RAI14: variants seen among roughly 807,000 people sequenced by gnomAD.
RAI14 encodes ankycorbin.
A neutral mutation model predicts 115.4 loss-of-function variants in RAI14; 45 were observed. That is an observed-to-expected ratio of 0.39 (90% confidence interval 0.31 to 0.50). The LOEUF is 0.50. RAI14 is among the 20% of genes least tolerant of loss of function. The pLI is 0.85. For missense variants in RAI14, 939 were observed against 1,131.2 expected, an observed-to-expected ratio of 0.83 and a Z score of 2.44; for synonymous variants, 371 against 415.4, an observed-to-expected ratio of 0.89 and a Z score of 1.30.
At chr5:34,818,753 T>C (rs1756526784) in intron 12 of RAI14, 44 bp from the exon 13 acceptor site, 1 of 1,517,412 alleles carries the variant, frequency 6.6e-7, no homozygotes. Flanking sequence ...TTGTGTAATG[T>C]TACATTTAGA....
chr5:34,801,255 C>G (rs895784989), intron 4 of RAI14, among the ~76,000 whole-genome samples: 1 of 152,164 alleles, frequency 6.6e-6, no homozygotes, highest in Non-Finnish European at 1.5e-5. Context: ...ACAACTCTCC[C>G]CCACACCTAC....
At chr5:34,736,262 A>G (rs60725354) in intron 2 of RAI14, among the ~76,000 whole-genome samples, 5,092 of 152,256 alleles carry the variant, frequency 0.033, 286 homozygotes, top group African/African-American at 0.12. Context: ...TTAGCTGGGC[A>G]TGGTGGCGTG....
At chr5:34,656,625 T>A (rs900281183) in intron 1 of RAI14, 150 bp downstream of exon 1, 2 of 152,196 alleles carry the variant, frequency 1.3e-5, no homozygotes, top group African/African-American at 2.4e-5. Flanking sequence ...TCCCGCCACC[T>A]CTCCCTGGTC....
chr5:34,685,411 G>A (rs1334241519), intron 1 of RAI14, among the ~76,000 whole-genome samples: 2 of 152,032 alleles, frequency 1.3e-5, no homozygotes, highest in Non-Finnish European at 2.9e-5. Flanking sequence ...AAGTTATAAG[G>A]ATGCAAAAAC....
At chr5:34,770,921 A>G (rs1038401193) in intron 3 of RAI14, among the ~76,000 whole-genome samples, 2 of 152,202 alleles carry the variant, frequency 1.3e-5, no homozygotes, top group African/African-American at 4.8e-5. Context: ...GTACAATAAA[A>G]ATATAAGCAG....
intron 2 of RAI14, chr5:34,715,970 C>A: frequency 3.0e-6 from 1 of 338,172 alleles, no homozygotes; most frequent in Non-Finnish European, 5.7e-6. Context: ...AAAGCATTTC[C>A]TGGCAGGAAT....
At chr5:34,825,370 G>C (rs1466808774) in intron 15 of RAI14, among the ~76,000 whole-genome samples, 1 of 152,196 alleles carries the variant, frequency 6.6e-6, no homozygotes, top group Non-Finnish European at 1.5e-5. Context: ...TTTTACAGAA[G>C]CTTTGCCAGT....
chr5:34,819,776 G>T (rs981334931), intron 13 of RAI14, among the ~76,000 whole-genome samples: 1 of 152,014 alleles, frequency 6.6e-6, no homozygotes, highest in African/African-American at 2.4e-5. Context: ...TGTATTTATT[G>T]ATTTATTTTA....
At chr5:34,665,185 A>G (rs866708888) in intron 1 of RAI14, among the ~76,000 whole-genome samples, 10 of 45,750 alleles carry the variant, frequency 2.2e-4, no homozygotes, top group African/African-American at 5.9e-4. Flanking sequence ...ACACATATAT[A>G]TATGTATATA....
At chr5:34,672,484 T>C (rs1743688819) in intron 1 of RAI14, among the ~76,000 whole-genome samples, 1 of 152,180 alleles carries the variant, frequency 6.6e-6, no homozygotes, top group Non-Finnish European at 1.5e-5. Flanking sequence ...ACACAGAAAG[T>C]GGTTGAAAAT....
chr5:34,784,055 C>T (rs1341041938), intron 3 of RAI14, among the ~76,000 whole-genome samples: 1 of 152,204 alleles, frequency 6.6e-6, no homozygotes, highest in African/African-American at 2.4e-5. Flanking sequence ...ATTAACTCCT[C>T]CTGGAAAAGA....
At chr5:34,795,643 G>A (rs2150206828) in intron 3 of RAI14, among the ~76,000 whole-genome samples, 1 of 152,260 alleles carries the variant, frequency 6.6e-6, no homozygotes, top group South Asian at 2.1e-4. Context: ...TTCATCAAGA[G>A]ACAAATATAT....
chr5:34,786,640 T>C (rs1051261617), intron 3 of RAI14, among the ~76,000 whole-genome samples: 16 of 152,270 alleles, frequency 1.1e-4, no homozygotes, highest in African/African-American at 3.9e-4. Context: ...ACCACTGGGA[T>C]TGCTTAAAAG....
chr5:34,758,469 T>G (rs1389153233), intron 3 of RAI14, among the ~76,000 whole-genome samples: 1 of 152,222 alleles, frequency 6.6e-6, no homozygotes, highest in African/African-American at 2.4e-5. Flanking sequence ...GCAAGTAATT[T>G]CTATAGCCGG....
intron 12 of RAI14, 46 bp downstream of exon 12, chr5:34,814,715 A>G: frequency 7.2e-7 from 1 of 1,393,778 alleles, no homozygotes; most frequent in South Asian, 1.2e-5. Context: ...TTTAAGATAC[A>G]TGATAGACTT....
At chr5:34,777,791 CA>C (rs1403090265) in intron 3 of RAI14, among the ~76,000 whole-genome samples, 1 of 150,644 alleles carries the variant, frequency 6.6e-6, no homozygotes, top group Non-Finnish European at 1.5e-5. Context: ...AAAAACAAAA[CA>C]AAACAAAAAA....
chr5:34,697,436 CAAA>C (rs1214679104), intron 2 of RAI14, among the ~76,000 whole-genome samples: 2 of 64,318 alleles, frequency 3.1e-5, no homozygotes, highest in African/African-American at 5.7e-5. Flanking sequence ...AACTCTGTCT[CAAA>C]AAAAAAAAAG....
At chr5:34,819,491 GAC>G (rs1209954101) in intron 13 of RAI14, among the ~76,000 whole-genome samples, 2 of 152,162 alleles carry the variant, frequency 1.3e-5, no homozygotes, top group Non-Finnish European at 2.9e-5. Context: ...ATTTCAAGTA[GAC>G]ACACGCAAAG....
chr5:34,698,512 T>C (rs955575782), intron 2 of RAI14, among the ~76,000 whole-genome samples: 3 of 151,990 alleles, frequency 2.0e-5, no homozygotes, highest in African/African-American at 7.2e-5. Context: ...TCACAGTGAC[T>C]CTGGTGTGTG....
Sources: allele counts gnomAD v4.1 joint callset (sites outside exome capture counted in the v4.1 genomes callset), GRCh38; gene constraint gnomAD v4.1.1; transcripts MANE v1.5; gene names NCBI Gene and HGNC (gene_info 2026-07-23, HGNC 2026-07-21).